The following FANCG variants were observed in gnomAD, a reference collection of about 807,000 sequenced individuals.
The protein encoded by FANCG is Fanconi anemia group G protein.
A neutral mutation model predicts 73.3 loss-of-function variants in FANCG; 67 were observed. The ratio of observed to expected loss-of-function variants is 0.91; its 90% CI spans 0.75 to 1.12. FANCG has a LOEUF of 1.12. FANCG is among the 50% of genes most tolerant of loss of function. The pLI is 0.00. For missense variants in FANCG, 643 were observed against 735.6 expected (o/e 0.87, Z 1.46); for synonymous variants, 297 against 311.6 (o/e 0.95, Z 0.49).
rs780410457 is a variant in FANCG, at chr9:35,076,424, AACCTC to A, written c.1076+3_1076+7del. 1 of 1,613,658 alleles carries A rather than the reference AACCTC, an allele frequency of 6.2e-7. No individual in the cohort carries two copies. The highest frequency in any genetic ancestry group is 1.1e-5 in the South Asian group (1 of 91,058). ...AAGAGAAGCTCAGGTGAGCAAGGGG[AACCTC>A]ACCTCCCCGTCTGTAGGCACCTGCT... On this transcript the variant is annotated splice_donor_5th_base_variant and intron_variant, in intron 8 of 13. Coordinates refer to ENST00000378643, the MANE Select transcript of FANCG (RefSeq NM_004629.2).
intron 8 of FANCG, 166 bp from the exon 9 acceptor site, chr9:35,076,194 C>T (rs972315463): frequency 8.5e-6 from 7 of 819,882 alleles, no homozygotes; most frequent in African/African-American, 1.7e-5. Flanking sequence ...TGGATCTACC[C>T]CAGTTACAGA....
chr9:35,077,967 C>A, intron 4 of FANCG, 174 bp downstream of exon 4: 1 of 684,044 alleles, frequency 1.5e-6, no homozygotes. Context: ...TAAGAGAATC[C>A]CCACAATGAG....
At position 35,079,684 on chromosome 9, in the gene FANCG, C is replaced by T; in HGVS notation, c.-160G>A. 1.4e-6 allele frequency: 1 copy of T among 722,002 alleles called. No individual in the cohort carries two copies. Among genetic ancestry groups the T allele is most frequent in the Non-Finnish European group, 2.4e-6 (1 of 413,028 alleles). 44.7% of individuals were successfully genotyped at this position (722,002 alleles called of 1,614,324 possible). On this transcript the variant is annotated 5_prime_UTR_variant, in exon 1 of 14. Transcript: ENST00000378643. Reference sequence around the variant, plus strand: ...TCCCAATCCACCCGCCCAGGCTTTCCAGGACAGATGGGACGCTCTCTCCCC... The same window carrying T: ...TCCCAATCCACCCGCCCAGGCTTTCTAGGACAGATGGGACGCTCTCTCCCC...
chr9:35,077,853 G>A (rs1342634531), intron 4 of FANCG: 4 of 486,578 alleles, frequency 8.2e-6, no homozygotes, highest in Non-Finnish European at 1.5e-5. Context: ...ACTCACTGTT[G>A]CCTCCACCTC....
intron 1 of FANCG, 67 bp from the exon 2 acceptor site, chr9:35,079,308 G>A (rs2131060013): frequency 6.5e-7 from 1 of 1,546,036 alleles, no homozygotes; most frequent in Non-Finnish European, 8.9e-7. Context: ...GCAGTGGCAA[G>A]GGATGCATTC....
rs369348926 is a variant in FANCG, at chr9:35,074,907, C to T, written c.1636+20G>A. 1.7e-5 allele frequency: 28 copies of T among 1,613,594 alleles called. No individual in the cohort carries two copies. The highest frequency in any genetic ancestry group is 1.3e-4 in the South Asian group (12 of 91,066). On this transcript the variant is annotated intron_variant, in intron 12 of 13. Transcript: ENST00000378643. ...TCCTTGCACATCTATGCATAGCCGA[C>T]GTCATGCAAGTATACATACCTGGGC... is the stretch of plus-strand genomic sequence containing the variant.
chr9:35,077,034 G>T lies in FANCG; in HGVS notation c.714C>A (p.Gly238=), dbSNP rs1185716009. The change falls in exon 6 of 14, where the codon GGC becomes GGA. Residue 238 remains glycine, a synonymous_variant. Transcript: ENST00000378643. ...ALSSLHEAAS[G]LCPRPVLVQV... Reference sequence around the variant, plus strand: ...GGACCAACACAGGCCGTGGACACAGGCCTGAGGCCGCTTCATGAAGGCTGC... The same window carrying T: ...GGACCAACACAGGCCGTGGACACAGTCCTGAGGCCGCTTCATGAAGGCTGC... The T allele has an allele frequency of 6.2e-7, 1 of 1,614,240 alleles. No individual in the cohort carries two copies.
chr9:35,079,093 G>A (rs916380820), intron 2 of FANCG, 58 bp downstream of exon 2: 60 of 1,424,004 alleles, frequency 4.2e-5, no homozygotes, highest in Admixed American at 3.7e-4. Context: ...ACGCAGGAGC[G>A]GATGTTTCTC....
chr9:35,076,368 G>C (rs1407814347), intron 8 of FANCG, 64 bp downstream of exon 8: 3 of 1,592,844 alleles, frequency 1.9e-6, no homozygotes, highest in Non-Finnish European at 2.6e-6. Flanking sequence ...CAAAAGCAGA[G>C]TCACACCCCA....
intron 9 of FANCG, 103 bp from the exon 10 acceptor site, chr9:35,075,857 G>A: frequency 7.2e-6 from 11 of 1,536,206 alleles, no homozygotes; most frequent in Non-Finnish European, 9.9e-6. Context: ...CCCCAGACTG[G>A]ACAGACAGAA....
chr9:35,074,159 G>A lies in FANCG; in HGVS notation c.1818C>T (p.Asp606=), dbSNP rs766524415. 1.4e-5 allele frequency: 23 copies of A among 1,614,112 alleles called. No homozygotes were observed. Among genetic ancestry groups the A allele is most frequent in the African/African-American group, 2.7e-5 (2 of 74,948 alleles). ...YLSWIRPSDR[D]AFLEEFRTSL... ...ATGTCCGAAATTCTTCAAGGAAGGC[G>A]TCACGATCAGAGGGACGGATCCAGC... is the stretch of plus-strand genomic sequence containing the variant. Residue 606 remains aspartate, a synonymous_variant, in exon 14 of 14, where the codon GAC becomes GAT. Coordinates refer to ENST00000378643, the MANE Select transcript of FANCG (RefSeq NM_004629.2).
intron 11 of FANCG, 59 bp downstream of exon 11, chr9:35,075,220 A>G (rs1587139660): frequency 6.2e-7 from 1 of 1,605,170 alleles, no homozygotes; most frequent in South Asian, 1.1e-5. Flanking sequence ...ATTAAAGGGA[A>G]CCCACTTCCA....
Position 35,075,486 on chromosome 9 carries a change from AC to A in FANCG, c.1411del (p.Val471TrpfsTer47). The A allele has an allele frequency of 6.2e-7, 1 of 1,614,080 alleles. No individual in the cohort carries two copies. The highest frequency in any genetic ancestry group is 8.5e-7 in the Non-Finnish European group (1 of 1,179,998). Reference sequence around the variant, plus strand: ...TCACCTGCTAAATTCACTAATTGCCACTTTTTGGGCACCCAGTTGAACCCAG... The same window carrying A: ...TCACCTGCTAAATTCACTAATTGCCATTTTTGGGCACCCAGTTGAACCCAG... Reference protein sequence around the residue: ...QAWVQLGAQKVAISEFSRCLE... With the variant: ...QAWVQLGAQKXAISEFSRCLE... On this transcript the variant is annotated frameshift_variant, in exon 10 of 14. Coordinates refer to ENST00000378643, the MANE Select transcript of FANCG (RefSeq NM_004629.2). LOFTEE classifies it high-confidence loss of function.
At chr9:35,077,187 T>C in intron 5 of FANCG, 77 bp downstream of exon 5, 1 of 1,613,724 alleles carries the variant, frequency 6.2e-7, no homozygotes, top group Non-Finnish European at 8.5e-7. Flanking sequence ...CCCATGGAAC[T>C]GAATGGGACA....
At chr9:35,075,861 G>A in intron 9 of FANCG, 101 bp downstream of exon 9, 1 of 1,539,496 alleles carries the variant, frequency 6.5e-7, no homozygotes, top group East Asian at 2.2e-5. Context: ...AGACTGGACA[G>A]ACAGAATAGA....
At chr9:35,074,563 G>A in intron 12 of FANCG, 69 bp from the exon 13 acceptor site, 1 of 1,599,322 alleles carries the variant, frequency 6.3e-7, no homozygotes, top group Non-Finnish European at 8.6e-7. Context: ...TTATAAAAAG[G>A]GAAACTGAGG....
At chr9:35,078,030 C>A in intron 4 of FANCG, 111 bp downstream of exon 4, 1 of 1,105,910 alleles carries the variant, frequency 9.0e-7, no homozygotes. Context: ...CCAGGTTTTC[C>A]GACCACCAAC....
chr9:35,076,087 C>T, intron 8 of FANCG, 59 bp from the exon 9 acceptor site: 1 of 1,497,230 alleles, frequency 6.7e-7, no homozygotes, highest in Non-Finnish European at 9.3e-7. Context: ...CTGCAAGGGT[C>T]CTGAGAATGT....
rs1291672216 is a variant in FANCG at position 35,074,917 on chromosome 9, G to A, written c.1636+10C>T. The A allele has an allele frequency of 6.2e-7, 1 of 1,614,184 alleles. No individual in the cohort carries two copies. Among genetic ancestry groups the A allele is most frequent in the South Asian group, 1.1e-5 (1 of 91,082 alleles). On this transcript the variant is annotated intron_variant, in intron 12 of 13. Transcript: ENST00000378643. ...TCTATGCATAGCCGACGTCATGCAA[G>A]TATACATACCTGGGCACATCTGCAC...
Sources: allele counts gnomAD v4.1 joint callset, GRCh38; gene constraint gnomAD v4.1.1; transcripts MANE v1.5; gene names NCBI Gene and HGNC (gene_info 2026-07-23, HGNC 2026-07-21).